The following CNTNAP5 variants were observed in gnomAD, a reference collection of about 807,000 sequenced individuals.
CNTNAP5 encodes contactin-associated protein-like 5.
In CNTNAP5, 72 loss-of-function variants were observed where a neutral mutation model predicts 150.2. That is an observed-to-expected ratio of 0.48 (90% CI 0.40 to 0.58). The LOEUF is 0.58. CNTNAP5 is among the 20% of genes least tolerant of loss of function. The pLI is 0.00. For missense variants in CNTNAP5, 1,636 were observed against 1,626.2 expected, an observed-to-expected ratio of 1.01 and a Z score of -0.10; for synonymous variants, 672 against 619.8, an observed-to-expected ratio of 1.08 and a Z score of -1.25.
intron 3 of CNTNAP5, among the ~76,000 whole-genome samples, chr2:124,391,522 A>C (rs945988547): frequency 4.6e-5 from 7 of 152,164 alleles, no homozygotes; most frequent in African/African-American, 1.7e-4. Context: ...CATTGGGCAA[A>C]TGGCTATTTG....
At chr2:124,688,909 T>C (rs572865274) in intron 13 of CNTNAP5, among the ~76,000 whole-genome samples, 8 of 152,138 alleles carry the variant, frequency 5.3e-5, no homozygotes, top group South Asian at 2.1e-4. Flanking sequence ...TAAAACACGA[T>C]AAAAATAAAA....
At chr2:124,628,489 T>TA (rs1677777319) in intron 12 of CNTNAP5, among the ~76,000 whole-genome samples, 1 of 152,044 alleles carries the variant, frequency 6.6e-6, no homozygotes. Flanking sequence ...AAGAAAAAAG[T>TA]AAAATCTTTT....
chr2:124,466,851 T>G (rs912705718), intron 6 of CNTNAP5, among the ~76,000 whole-genome samples: 3 of 152,136 alleles, frequency 2.0e-5, no homozygotes, highest in Non-Finnish European at 4.4e-5. Flanking sequence ...ATCATCCACA[T>G]CTGCCAAATA....
At chr2:124,178,831 A>G (rs1558788943) in intron 1 of CNTNAP5, among the ~76,000 whole-genome samples, 1 of 152,244 alleles carries the variant, frequency 6.6e-6, no homozygotes, top group African/African-American at 2.4e-5. Context: ...GACTTCATAT[A>G]GCCTGTAAAT....
intron 7 of CNTNAP5, among the ~76,000 whole-genome samples, chr2:124,490,893 T>C (rs1694008747): frequency 6.6e-6 from 1 of 152,168 alleles, no homozygotes; most frequent in South Asian, 2.1e-4. Flanking sequence ...ATACTGCTAC[T>C]AGAAAATTTT....
chr2:124,269,789 T>A (rs2104611131), intron 3 of CNTNAP5, among the ~76,000 whole-genome samples: 1 of 152,188 alleles, frequency 6.6e-6, no homozygotes, highest in East Asian at 1.9e-4. Flanking sequence ...AAATGTATGT[T>A]TTAAAAAAGA....
At chr2:124,820,310 G>A (rs1230845780) in intron 19 of CNTNAP5, among the ~76,000 whole-genome samples, 1 of 151,964 alleles carries the variant, frequency 6.6e-6, no homozygotes, top group Non-Finnish European at 1.5e-5. Flanking sequence ...AAATGTCCCA[G>A]TACTACTGGC....
At chr2:124,064,137 G>C (rs892017452) in intron 1 of CNTNAP5, among the ~76,000 whole-genome samples, 1 of 152,040 alleles carries the variant, frequency 6.6e-6, no homozygotes, top group African/African-American at 2.4e-5. Flanking sequence ...GACTTCGAAG[G>C]CCTATTCTTC....
At chr2:124,737,927 A>G (rs1435563605) in intron 13 of CNTNAP5, among the ~76,000 whole-genome samples, 1 of 152,090 alleles carries the variant, frequency 6.6e-6, no homozygotes, top group African/African-American at 2.4e-5. Flanking sequence ...ATTAAAAAAA[A>G]GCATGAATCT....
chr2:124,232,971 A>G (rs1051466680), intron 2 of CNTNAP5, among the ~76,000 whole-genome samples: 27 of 152,068 alleles, frequency 1.8e-4, no homozygotes, highest in African/African-American at 6.5e-4. Context: ...CAGGGTGGTT[A>G]CAAGATCCTT....
At chr2:124,650,810 A>G (rs1402823284) in intron 13 of CNTNAP5, among the ~76,000 whole-genome samples, 1 of 152,124 alleles carries the variant, frequency 6.6e-6, no homozygotes, top group African/African-American at 2.4e-5. Context: ...ATATGGAGCT[A>G]CTCCAATGAA....
At position 124,199,410 on chromosome 2, in the gene CNTNAP5, G is replaced by GT. The variant is rs1420646876; in HGVS notation, c.83-22293dup. ...TGTATTTTGTTACATTTATTCCAAG[G>GT]TTCTTTTTTTTTTTTTTTTTTTGAG... On this transcript the variant is annotated intron_variant, in intron 1 of 23. Transcript: ENST00000682447. 1.0e-3 allele frequency among the ~76,000 whole-genome samples: 83 copies of GT among 82,086 alleles called. 1 individual carries two copies. Among genetic ancestry groups the GT allele is most frequent in the Admixed American group, 3.8e-3 (24 of 6,330 alleles). 53.9% of individuals were successfully genotyped at this position (82,086 alleles called of 152,430 possible).
intron 3 of CNTNAP5, among the ~76,000 whole-genome samples, chr2:124,351,681 T>G (rs1056276405): frequency 3.3e-5 from 5 of 152,180 alleles, no homozygotes; most frequent in African/African-American, 1.2e-4. Context: ...AATGTTTCCC[T>G]ACATCTATTG....
chr2:124,485,690 C>T (rs377197021), intron 7 of CNTNAP5, among the ~76,000 whole-genome samples: 2 of 151,126 alleles, frequency 1.3e-5, no homozygotes, highest in East Asian at 3.9e-4. Context: ...AGAAGCTTGC[C>T]GGAAAACTTA....
chr2:124,390,790 A>G (rs980804889), intron 3 of CNTNAP5, among the ~76,000 whole-genome samples: 11 of 152,222 alleles, frequency 7.2e-5, no homozygotes, highest in African/African-American at 2.4e-4. Flanking sequence ...TAGTGGTTTT[A>G]TAGGTGGTGC....
chr2:124,678,051 T>C (rs879483431), intron 13 of CNTNAP5, among the ~76,000 whole-genome samples: 3 of 151,884 alleles, frequency 2.0e-5, no homozygotes, highest in Non-Finnish European at 4.4e-5. Flanking sequence ...TTTTTGTTTG[T>C]CTAGTTTTCC....
intron 1 of CNTNAP5, among the ~76,000 whole-genome samples, chr2:124,131,961 T>C (rs987982373): frequency 3.3e-5 from 5 of 152,136 alleles, no homozygotes; most frequent in African/African-American, 1.2e-4. Context: ...AACCAAGGGC[T>C]TCGTCCTCTC....
intron 19 of CNTNAP5, among the ~76,000 whole-genome samples, chr2:124,827,122 C>T (rs1485985131): frequency 6.6e-6 from 1 of 152,080 alleles, no homozygotes; most frequent in East Asian, 1.9e-4. Flanking sequence ...CAGGATCTCC[C>T]TGTGTTGCTC....
At chr2:124,849,365 T>G (rs1683110105) in intron 19 of CNTNAP5, among the ~76,000 whole-genome samples, 3 of 152,176 alleles carry the variant, frequency 2.0e-5, no homozygotes. Flanking sequence ...CCATACTATT[T>G]TTTTGTTTTG....
Sources: gnomAD v4.1 joint callset for allele counts (sites outside exome capture counted in the v4.1 genomes callset) on GRCh38, gnomAD v4.1.1 for gene constraint, MANE v1.5 for transcripts, NCBI Gene and HGNC (gene_info 2026-07-23, HGNC 2026-07-21) for gene names.